Variants in FHIT observed in about 807,000 individuals in gnomAD.
FHIT encodes the protein bis(5'-adenosyl)-triphosphatase.
In FHIT, 19 loss-of-function variants were observed where a neutral mutation model predicts 17.9. The observed-to-expected ratio is 1.06, with a 90% CI of 0.74 to 1.56. The LOEUF (loss-of-function observed/expected upper bound fraction) is 1.56, where lower values mean the gene tolerates loss of function less well. Among genes scored for constraint, FHIT ranks in the 40% most tolerant of loss-of-function variants. The pLI is 0.00. For synonymous variants in FHIT, 81 were observed against 69.7 expected (o/e 1.16, Z -0.81); for missense variants, 248 against 189.2 (o/e 1.31, Z -1.82).
At chr3:60,380,985 A>G (rs1700777390) in intron 5 of FHIT, among the ~76,000 whole-genome samples, 1 of 152,176 alleles carries the variant, frequency 6.6e-6, no homozygotes, top group Admixed American at 6.5e-5. Context: ...GAGTGTTCCT[A>G]GTACTTACTG....
chr3:61,071,834 T>C (rs78845464), intron 2 of FHIT, among the ~76,000 whole-genome samples: 23,912 of 152,194 alleles, frequency 0.16, 2,057 homozygotes, highest in Middle Eastern at 0.32. Context: ...GGCTAGATAG[T>C]GAAGTTATGG....
intron 5 of FHIT, among the ~76,000 whole-genome samples, chr3:60,385,251 C>T (rs376226202): frequency 1.3e-5 from 2 of 152,296 alleles, no homozygotes; most frequent in Non-Finnish European, 1.5e-5. Flanking sequence ...AGCTAATGGG[C>T]TATGGTGGAG....
chr3:60,104,248 T>G (rs1402634463), intron 5 of FHIT, among the ~76,000 whole-genome samples: 3 of 152,166 alleles, frequency 2.0e-5, no homozygotes, highest in African/African-American at 7.2e-5. Context: ...AATCACCTCC[T>G]TGTCAACACA....
intron 2 of FHIT, among the ~76,000 whole-genome samples, chr3:61,084,638 T>C (rs922543572): frequency 2.0e-5 from 3 of 152,222 alleles, no homozygotes; most frequent in African/African-American, 7.2e-5. Context: ...TTCAAGCTAT[T>C]TTAAGTGGTA....
At chr3:60,677,598 G>A (rs1299722598) in intron 4 of FHIT, among the ~76,000 whole-genome samples, 3 of 150,346 alleles carry the variant, frequency 2.0e-5, no homozygotes, top group Admixed American at 1.3e-4. Flanking sequence ...TACATGTGGT[G>A]TGTGTGTATA....
intron 5 of FHIT, among the ~76,000 whole-genome samples, chr3:60,469,302 G>C (rs984254023): frequency 2.6e-5 from 4 of 151,930 alleles, no homozygotes; most frequent in African/African-American, 9.7e-5. Context: ...GCCCTTTTGA[G>C]GCTATTTTGT....
chr3:61,227,967 A>T (rs1007578967), intron 1 of FHIT, among the ~76,000 whole-genome samples: 5 of 152,094 alleles, frequency 3.3e-5, no homozygotes, highest in Non-Finnish European at 7.4e-5. Flanking sequence ...AGAGGTTTTT[A>T]AAAAAATGTC....
intron 7 of FHIT, among the ~76,000 whole-genome samples, chr3:60,005,931 T>G (rs981739359): frequency 3.3e-5 from 5 of 152,178 alleles, no homozygotes; most frequent in African/African-American, 1.2e-4. Context: ...CCCCTACAAG[T>G]GCTTCTTATC....
intron 8 of FHIT, among the ~76,000 whole-genome samples, chr3:59,884,523 T>C (rs950933551): frequency 6.6e-6 from 1 of 152,202 alleles, no homozygotes; most frequent in Non-Finnish European, 1.5e-5. Flanking sequence ...AACTAGAGGC[T>C]AAGACATTTA....
Position 60,450,247 on chromosome 3 carries a change from A to T in FHIT, c.103+86613T>A, listed in dbSNP as rs2031645226. On this transcript the variant is annotated intron_variant, in intron 5 of 9. Coordinates refer to ENST00000492590, the MANE Select transcript of FHIT (RefSeq NM_002012.4). ...AAAGTATTAATAATTGCACTATGACATTACAATGTCTACGTCAACACTGGG... is the reference window on the plus strand; with the variant it reads ...AAAGTATTAATAATTGCACTATGACTTTACAATGTCTACGTCAACACTGGG... 2.0e-5 allele frequency among the ~76,000 whole-genome samples: 3 copies of T among 152,088 alleles called. 1 individual carries two copies. The South Asian group carries it at 6.2e-4, about 32-fold the overall frequency.
intron 2 of FHIT, among the ~76,000 whole-genome samples, chr3:61,152,068 T>A (rs1363987936): frequency 2.0e-5 from 3 of 152,196 alleles, no homozygotes; most frequent in Admixed American, 2.0e-4. Context: ...TTTTTAAGTA[T>A]ATGGGTGGGT....
At chr3:60,358,626 A>C (rs1699772909) in intron 5 of FHIT, among the ~76,000 whole-genome samples, 1 of 152,222 alleles carries the variant, frequency 6.6e-6, no homozygotes, top group African/African-American at 2.4e-5. Flanking sequence ...GTGAAAGGCT[A>C]ATAAACATTG....
intron 5 of FHIT, among the ~76,000 whole-genome samples, chr3:60,063,700 AC>A (rs1702385595): frequency 6.6e-6 from 1 of 152,176 alleles, no homozygotes; most frequent in African/African-American, 2.4e-5. Context: ...AAATTCACAA[AC>A]CCTTTAACCC....
chr3:60,534,255 G>A (rs1453505966), intron 5 of FHIT, among the ~76,000 whole-genome samples: 1 of 134,050 alleles, frequency 7.5e-6, no homozygotes, highest in South Asian at 2.7e-4. Flanking sequence ...GTGAAACCCC[G>A]TCTCTACTAA....
At position 61,125,856 on chromosome 3, in the gene FHIT, A is replaced by T. The variant is rs567865647; in HGVS notation, c.-164+74761T>A. 4.3e-4 allele frequency among the ~76,000 whole-genome samples: 66 copies of T among 152,302 alleles called. 1 individual carries two copies. The South Asian group carries it at 7.5e-3, about 17-fold the overall frequency. Reference sequence around the variant, plus strand: ...TTTTAAATGACAGTATCAATATTGAATATTTCTGGAGTATCAATCATTATA... The same window carrying T: ...TTTTAAATGACAGTATCAATATTGATTATTTCTGGAGTATCAATCATTATA... On this transcript the variant is annotated intron_variant, in intron 2 of 9. Transcript: ENST00000492590.
chr3:59,765,767 G>A (rs951975024), intron 8 of FHIT, among the ~76,000 whole-genome samples: 2 of 152,140 alleles, frequency 1.3e-5, no homozygotes, highest in Admixed American at 1.3e-4. Flanking sequence ...TGTACAAGAA[G>A]ACATGCATGA....
intron 5 of FHIT, among the ~76,000 whole-genome samples, chr3:60,440,392 AT>A (rs2030690171): frequency 6.6e-6 from 1 of 152,220 alleles, no homozygotes; most frequent in East Asian, 1.9e-4. Context: ...TGCCATTCTA[AT>A]TTTGAAAGGA....
chr3:61,166,614 G>T (rs1978865), intron 2 of FHIT, among the ~76,000 whole-genome samples: 30,009 of 152,110 alleles, frequency 0.2, 3,024 homozygotes, highest in South Asian at 0.28. Flanking sequence ...CACAGTTCAA[G>T]ATTAACTCAA....
intron 5 of FHIT, among the ~76,000 whole-genome samples, chr3:60,032,824 G>C (rs189396170): frequency 4.7e-4 from 71 of 152,300 alleles, no homozygotes; most frequent in Admixed American, 1.2e-3. Flanking sequence ...AATGTGGCTA[G>C]AGCAAAGAAG....
Sources: gnomAD v4.1 joint callset for allele counts (sites outside exome capture counted in the v4.1 genomes callset) on GRCh38, gnomAD v4.1.1 for gene constraint, MANE v1.5 for transcripts, NCBI Gene and HGNC (gene_info 2026-07-23, HGNC 2026-07-21) for gene names.